Variants in SEMA5A observed in about 807,000 individuals in gnomAD.
The protein encoded by SEMA5A is semaphorin 5A.
Under a neutral mutation model 135.5 loss-of-function variants are expected in SEMA5A, and 55 were observed. The ratio of observed to expected loss-of-function variants is 0.41; its 90% CI spans 0.33 to 0.51. SEMA5A has a LOEUF of 0.51. SEMA5A is among the 20% of genes least tolerant of loss of function. SEMA5A has a pLI of 0.37. For missense variants in SEMA5A, 1,290 were observed against 1,419.9 expected (o/e 0.91, Z 1.47); for synonymous variants, 580 against 546.5 (o/e 1.06, Z -0.85).
chr5:9,505,015 TGTTA>T (rs1735797051), intron 1 of SEMA5A, among the ~76,000 whole-genome samples: 1 of 152,212 alleles, frequency 6.6e-6, no homozygotes, highest in Admixed American at 6.5e-5. Flanking sequence ...AATAAATACT[TGTTA>T]CTTAGTACAT....
At chr5:9,239,988 G>C (rs114780500) in intron 5 of SEMA5A, among the ~76,000 whole-genome samples, 1 of 152,120 alleles carries the variant, frequency 6.6e-6, no homozygotes, top group Non-Finnish European at 1.5e-5. Context: ...AGCTTCACAA[G>C]TCTACCTAAT....
At chr5:9,079,105 T>A (rs1738230071) in intron 16 of SEMA5A, among the ~76,000 whole-genome samples, 1 of 152,164 alleles carries the variant, frequency 6.6e-6, no homozygotes, top group Non-Finnish European at 1.5e-5. Context: ...ATAATTTAAA[T>A]ACCATTTTCC....
chr5:9,109,244 T>G (rs1427738657), intron 15 of SEMA5A, among the ~76,000 whole-genome samples: 3 of 151,480 alleles, frequency 2.0e-5, no homozygotes, highest in Non-Finnish European at 4.4e-5. Context: ...GTTTCACCGT[T>G]TTAGCCGGGA....
chr5:9,159,729 T>G (rs564689754), intron 11 of SEMA5A, among the ~76,000 whole-genome samples: 10 of 152,264 alleles, frequency 6.6e-5, no homozygotes, highest in African/African-American at 2.4e-4. Context: ...AATAAATCAT[T>G]CTACTATAAA....
intron 4 of SEMA5A, among the ~76,000 whole-genome samples, chr5:9,324,874 C>T (rs74626612): frequency 5.9e-5 from 9 of 152,328 alleles, no homozygotes; most frequent in Admixed American, 3.3e-4. Flanking sequence ...ATGCTTCTGG[C>T]CCCTGGCCAA....
chr5:9,337,565 T>C (rs1269378519), intron 4 of SEMA5A, 148 bp downstream of exon 4: 1 of 568,778 alleles, frequency 1.8e-6, no homozygotes, highest in African/African-American at 1.9e-5. Flanking sequence ...CAGTAGTATA[T>C]TTTATGACAC....
chr5:9,147,605 A>C (rs1230968117), intron 12 of SEMA5A, among the ~76,000 whole-genome samples: 1 of 151,726 alleles, frequency 6.6e-6, no homozygotes, highest in African/African-American at 2.4e-5. Context: ...CTTTCCCTCT[A>C]GTCTTATAAG....
intron 9 of SEMA5A, among the ~76,000 whole-genome samples, chr5:9,200,077 A>ACCTTTT (rs1745621762): frequency 6.6e-6 from 1 of 152,214 alleles, no homozygotes; most frequent in Admixed American, 6.5e-5. Flanking sequence ...CTTGTCTGAG[A>ACCTTTT]CATGAAAAGG....
At chr5:9,494,889 G>A (rs1207537648) in intron 1 of SEMA5A, among the ~76,000 whole-genome samples, 1 of 152,160 alleles carries the variant, frequency 6.6e-6, no homozygotes, top group Non-Finnish European at 1.5e-5. Context: ...GCTTTCCAAA[G>A]TATCTGGTTC....
chr5:9,542,196 C>A (rs1211771886), intron 1 of SEMA5A, among the ~76,000 whole-genome samples: 1 of 152,212 alleles, frequency 6.6e-6, no homozygotes, highest in Non-Finnish European at 1.5e-5. Flanking sequence ...TGCTTCCCAG[C>A]AGCCACATCT....
chr5:9,211,263 C>T (rs1457793498), intron 8 of SEMA5A, among the ~76,000 whole-genome samples: 6 of 9,656 alleles, frequency 6.2e-4, no homozygotes, highest in African/African-American at 1.8e-3. Context: ...TCCCCAGGTG[C>T]TTATTTGGAA....
At chr5:9,512,216 C>T (rs1365694612) in intron 1 of SEMA5A, among the ~76,000 whole-genome samples, 2 of 152,214 alleles carry the variant, frequency 1.3e-5, no homozygotes, top group African/African-American at 2.4e-5. Context: ...CTCATCCATA[C>T]ATAAAAAAGC....
intron 11 of SEMA5A, among the ~76,000 whole-genome samples, chr5:9,170,709 A>G (rs374771171): frequency 1.3e-5 from 2 of 152,304 alleles, no homozygotes; most frequent in South Asian, 4.2e-4. Flanking sequence ...GAACCCAAGC[A>G]TGCTGGCATC....
At position 9,366,407 on chromosome 5, in the gene SEMA5A, T is replaced by A. The variant is rs12658482; in HGVS notation, c.124+13416A>T. On this transcript the variant is annotated intron_variant, in intron 3 of 22. Coordinates refer to ENST00000382496, the MANE Select transcript of SEMA5A (RefSeq NM_003966.3). ...ATAAAGAATTCTTTTTTTTTTTTTT[T>A]AGATGGAGTCTCGCTCTGTCGCCCA... Among the ~76,000 whole-genome samples the A allele has an allele frequency of 9.9e-5, 15 of 151,044 alleles. No individual in the cohort carries two copies. In the East Asian group the frequency reaches 2.7e-3, roughly 27 times the overall value.
intron 4 of SEMA5A, among the ~76,000 whole-genome samples, chr5:9,335,007 T>G (rs1370860552): frequency 6.6e-6 from 1 of 152,036 alleles, no homozygotes; most frequent in Non-Finnish European, 1.5e-5. Context: ...GGATGAGGAC[T>G]CCAGGGATAT....
intron 3 of SEMA5A, among the ~76,000 whole-genome samples, chr5:9,341,518 A>G (rs1048525505): frequency 1.3e-5 from 2 of 151,748 alleles, no homozygotes; most frequent in African/African-American, 4.8e-5. Context: ...GAGGGGATAC[A>G]ATTTTCAATA....
chr5:9,237,984 G>C (rs1748002377), intron 5 of SEMA5A, 94 bp from the exon 6 acceptor site: 1 of 1,084,466 alleles, frequency 9.2e-7, no homozygotes, highest in Non-Finnish European at 1.4e-6. Flanking sequence ...ACCAGATTAG[G>C]AAATATGGCT....
intron 11 of SEMA5A, among the ~76,000 whole-genome samples, chr5:9,181,840 G>A (rs995048173): frequency 3.3e-5 from 5 of 152,088 alleles, no homozygotes; most frequent in Non-Finnish European, 7.4e-5. Context: ...CATGGTACTC[G>A]ATTCAATCTG....
intron 3 of SEMA5A, among the ~76,000 whole-genome samples, chr5:9,362,312 C>T (rs1561186935): frequency 6.6e-6 from 1 of 152,080 alleles, no homozygotes; most frequent in Non-Finnish European, 1.5e-5. Context: ...TTATTTCTGT[C>T]CCCTGGAACT....
Sources: allele counts gnomAD v4.1 joint callset (sites outside exome capture counted in the v4.1 genomes callset), GRCh38; gene constraint gnomAD v4.1.1; transcripts MANE v1.5; gene names NCBI Gene and HGNC (gene_info 2026-07-23, HGNC 2026-07-21).